The following MALRD1 variants were observed in gnomAD, a reference collection of about 807,000 sequenced individuals.
MALRD1 encodes the protein MAM and LDL-receptor class A domain-containing protein 1.
A neutral mutation model predicts 242.1 loss-of-function variants in MALRD1; 247 were observed. That is an observed-to-expected ratio of 1.02 (90% CI 0.92 to 1.13). The LOEUF (loss-of-function observed/expected upper bound fraction) is 1.13. MALRD1 is among the 50% of genes most tolerant of loss of function. MALRD1 has a pLI of 0.00. For missense variants in MALRD1, 2,989 were observed against 2,533.1 expected (o/e 1.18, Z -3.86); for synonymous variants, 995 against 866.6 (o/e 1.15, Z -2.60).
chr10:19,064,765 G>C (rs1420233029), intron 1 of MALRD1, among the ~76,000 whole-genome samples: 2 of 114,704 alleles, frequency 1.7e-5, no homozygotes, highest in African/African-American at 7.0e-5. Context: ...AAGAAACTCT[G>C]TCTCAAAAAA....
intron 26 of MALRD1, among the ~76,000 whole-genome samples, chr10:19,368,748 G>T (rs952315822): frequency 1.3e-5 from 2 of 151,436 alleles, no homozygotes; most frequent in African/African-American, 4.8e-5. Flanking sequence ...GTGATCATGG[G>T]ATGTTTTTCC....
At chr10:19,501,570 CA>C (rs1325398938) in intron 31 of MALRD1, among the ~76,000 whole-genome samples, 3 of 152,114 alleles carry the variant, frequency 2.0e-5, no homozygotes, top group Non-Finnish European at 4.4e-5. Flanking sequence ...CTAAAGCAGA[CA>C]ACAACTAGTA....
chr10:19,395,567 GT>G (rs891636715), intron 28 of MALRD1, among the ~76,000 whole-genome samples: 2 of 152,126 alleles, frequency 1.3e-5, no homozygotes, highest in Non-Finnish European at 2.9e-5. Context: ...TGGGAGGCAG[GT>G]TTTCCCTAAG....
intron 29 of MALRD1, among the ~76,000 whole-genome samples, chr10:19,468,015 A>T (rs560758058): frequency 6.6e-6 from 1 of 152,192 alleles, no homozygotes; most frequent in Non-Finnish European, 1.5e-5. Context: ...ACTGGTCTCA[A>T]AGTCCTGACC....
At chr10:19,515,894 G>A (rs951733125) in intron 31 of MALRD1, among the ~76,000 whole-genome samples, 1 of 152,052 alleles carries the variant, frequency 6.6e-6, no homozygotes, top group African/African-American at 2.4e-5. Flanking sequence ...TGATAAGAAC[G>A]TTAGAACCAG....
chr10:19,668,262 A>G (rs759252823), intron 36 of MALRD1, among the ~76,000 whole-genome samples: 2 of 152,140 alleles, frequency 1.3e-5, no homozygotes, highest in Non-Finnish European at 1.5e-5. Context: ...GATCTTCCCC[A>G]TGCCAAACTC....
chr10:19,374,464 CCTA>C (rs1564604681), intron 26 of MALRD1, among the ~76,000 whole-genome samples: 1 of 152,166 alleles, frequency 6.6e-6, no homozygotes, highest in East Asian at 1.9e-4. Flanking sequence ...CTATAACAAA[CCTA>C]CTTAGTTTAT....
At chr10:19,189,673 T>G (rs79823734) in intron 14 of MALRD1, among the ~76,000 whole-genome samples, 11,218 of 152,190 alleles carry the variant, frequency 0.074, 538 homozygotes, top group Non-Finnish European at 0.11. Flanking sequence ...TCTGTCTATG[T>G]AATGCACCAC....
rs1007907775 is a variant in MALRD1, at chr10:19,288,648, T to C, written c.3419+5467T>C. The stretch of plus-strand genomic sequence containing the variant: ...GGTTCCGTAACTAGTATCTTTCCCC[T>C]GTTTTGTAGTCCACAGTTCTGTTGT... On this transcript the variant is annotated intron_variant, in intron 21 of 39. Transcript: ENST00000454679. Among the ~76,000 whole-genome samples the C allele has an allele frequency of 1.6e-4, 25 of 152,252 alleles. No individual in the cohort carries two copies. In the East Asian group the frequency reaches 1.9e-3, roughly 12 times the overall value.
chr10:19,347,757 G>A lies in MALRD1; in HGVS notation c.3902-14G>A. ...TTCCATTTTCTGTAACATATATTTGGAAATATTTTCCAGGTACCTCCAGTG... is the reference window on the plus strand; with the variant it reads ...TTCCATTTTCTGTAACATATATTTGAAAATATTTTCCAGGTACCTCCAGTG... On this transcript the variant is annotated splice_polypyrimidine_tract_variant and intron_variant, in intron 24 of 39. Transcript: ENST00000454679. 6.5e-7 allele frequency: 1 copy of A among 1,549,004 alleles called. No individual in the cohort carries two copies.
At chr10:19,504,808 G>A (rs113846859) in intron 31 of MALRD1, among the ~76,000 whole-genome samples, 31,730 of 148,214 alleles carry the variant, frequency 0.21, 4,959 homozygotes, top group African/African-American at 0.45. Flanking sequence ...TCAGCCTCCC[G>A]AGTAGCTGGG....
chr10:19,534,532 T>C (rs1834566117), intron 32 of MALRD1, among the ~76,000 whole-genome samples: 1 of 152,200 alleles, frequency 6.6e-6, no homozygotes, highest in African/African-American at 2.4e-5. Flanking sequence ...TTACAAATAA[T>C]TGATGCCAAA....
At chr10:19,283,209 C>T (rs1416661852) in intron 21 of MALRD1, 28 bp downstream of exon 21, 2 of 1,432,122 alleles carry the variant, frequency 1.4e-6, no homozygotes, top group Non-Finnish European at 9.3e-7. Context: ...TTGAATATCT[C>T]TCTTGGGAAA....
At chr10:19,240,990 T>G (rs1267281501) in intron 18 of MALRD1, among the ~76,000 whole-genome samples, 1 of 152,140 alleles carries the variant, frequency 6.6e-6, no homozygotes, top group Non-Finnish European at 1.5e-5. Context: ...AATTTTTTTA[T>G]CTATGTTCTT....
chr10:19,097,554 A>C (rs528049692), intron 4 of MALRD1, among the ~76,000 whole-genome samples: 1 of 152,354 alleles, frequency 6.6e-6, no homozygotes, highest in African/African-American at 2.4e-5. Flanking sequence ...CGAACTAAAC[A>C]TACAGTAGAA....
At chr10:19,469,114 T>C (rs968378297) in intron 29 of MALRD1, among the ~76,000 whole-genome samples, 1 of 152,090 alleles carries the variant, frequency 6.6e-6, no homozygotes, top group Non-Finnish European at 1.5e-5. Flanking sequence ...AGCCATACTT[T>C]TTAAAGCTTC....
chr10:19,456,015 C>G (rs978930813), intron 29 of MALRD1, among the ~76,000 whole-genome samples: 11 of 152,108 alleles, frequency 7.2e-5, no homozygotes, highest in African/African-American at 2.4e-4. Flanking sequence ...AGGGTAGAAT[C>G]CAATAATGGT....
intron 38 of MALRD1, among the ~76,000 whole-genome samples, chr10:19,719,601 T>C (rs961204644): frequency 3.9e-5 from 6 of 152,172 alleles, no homozygotes; most frequent in Admixed American, 3.9e-4. Flanking sequence ...CAAAATTTGG[T>C]GTTCCAATTG....
intron 10 of MALRD1, among the ~76,000 whole-genome samples, chr10:19,143,681 T>C (rs1333823278): frequency 1.3e-5 from 2 of 152,176 alleles, no homozygotes; most frequent in African/African-American, 2.4e-5. Context: ...GGTAACCTTG[T>C]AGAGAGGTGG....
Sources: allele counts gnomAD v4.1 joint callset (sites outside exome capture counted in the v4.1 genomes callset), GRCh38; gene constraint gnomAD v4.1.1; transcripts MANE v1.5; gene names NCBI Gene and HGNC (gene_info 2026-07-23, HGNC 2026-07-21).